Variants in MAGI3 observed in about 807,000 individuals in gnomAD.
The protein encoded by MAGI3 is membrane associated guanylate kinase, WW and PDZ domain containing 3, also known as membrane-associated guanylate kinase, WW and PDZ domain-containing protein 3.
Under a neutral mutation model 121.8 loss-of-function variants are expected in MAGI3, and 43 were observed. The ratio of observed to expected loss-of-function variants is 0.35; its 90% CI spans 0.28 to 0.46. The LOEUF is 0.46. Among genes scored for constraint, MAGI3 ranks in the 20% least tolerant of loss-of-function variants. The probability of loss-of-function intolerance (pLI) is 1.00; values close to 1 mark genes in which losing one functional copy is unlikely to be tolerated. For synonymous variants in MAGI3, 553 were observed against 639.3 expected (o/e 0.86, Z 2.04); for missense variants, 1,547 against 1,797.3 (o/e 0.86, Z 2.52).
intron 1 of MAGI3, among the ~76,000 whole-genome samples, chr1:113,416,429 T>C (rs1172546433): frequency 1.6e-5 from 2 of 128,362 alleles, no homozygotes; most frequent in Non-Finnish European, 3.2e-5. Flanking sequence ...ATTAATAATA[T>C]ATATTAATTA....
At chr1:113,395,575 C>G (rs553876445) in intron 1 of MAGI3, among the ~76,000 whole-genome samples, 1 of 151,776 alleles carries the variant, frequency 6.6e-6, no homozygotes, top group Non-Finnish European at 1.5e-5. Flanking sequence ...AATATTTTCT[C>G]TCCATCATTC....
intron 3 of MAGI3, among the ~76,000 whole-genome samples, chr1:113,584,518 T>G (rs1648238076): frequency 6.7e-6 from 1 of 150,068 alleles, no homozygotes; most frequent in African/African-American, 2.4e-5. Flanking sequence ...AATAGAATGC[T>G]CAGAAAAACT....
intron 1 of MAGI3, among the ~76,000 whole-genome samples, chr1:113,522,660 C>T (rs564975475): frequency 1.3e-5 from 2 of 152,270 alleles, no homozygotes; most frequent in South Asian, 4.1e-4. Flanking sequence ...ATGTTATCTT[C>T]CCCAACTTTT....
intron 1 of MAGI3, among the ~76,000 whole-genome samples, chr1:113,517,379 G>A (rs1657980108): frequency 6.6e-6 from 1 of 151,526 alleles, no homozygotes; most frequent in Non-Finnish European, 1.5e-5. Context: ...TCTCTAGGGA[G>A]CAAAATTTCA....
chr1:113,646,327 A>G (rs930625202), intron 11 of MAGI3, among the ~76,000 whole-genome samples, 159 bp from the exon 12 acceptor site: 4 of 152,212 alleles, frequency 2.6e-5, no homozygotes, highest in African/African-American at 9.6e-5. Context: ...ACACATTGCT[A>G]TGAAAATGAA....
chr1:113,469,469 G>A (rs1316720098), intron 1 of MAGI3, among the ~76,000 whole-genome samples: 1 of 151,798 alleles, frequency 6.6e-6, no homozygotes, highest in Non-Finnish European at 1.5e-5. Flanking sequence ...CTTACAATCT[G>A]CTTTTAATTG....
intron 1 of MAGI3, among the ~76,000 whole-genome samples, chr1:113,539,556 A>G (rs1659175305): frequency 6.6e-6 from 1 of 151,810 alleles, no homozygotes; most frequent in South Asian, 2.1e-4. Flanking sequence ...ATTTATTATT[A>G]TTATACTTTA....
chr1:113,434,428 C>A (rs12089256), intron 1 of MAGI3, among the ~76,000 whole-genome samples: 119,867 of 152,030 alleles, frequency 0.79, 47,728 homozygotes, highest in African/African-American at 0.91. Context: ...CACACACACA[C>A]AAAAAGCGTA....
chr1:113,479,492 G>GT (rs1240911097), intron 1 of MAGI3, among the ~76,000 whole-genome samples: 1 of 152,034 alleles, frequency 6.6e-6, no homozygotes. Context: ...TCGTTCCCTT[G>GT]TATGTGACTA....
chr1:113,420,776 G>A (rs1169107536), intron 1 of MAGI3, among the ~76,000 whole-genome samples: 2 of 152,182 alleles, frequency 1.3e-5, no homozygotes, highest in African/African-American at 2.4e-5. Flanking sequence ...AGTAGTTTTA[G>A]TTGAGAGATC....
intron 1 of MAGI3, among the ~76,000 whole-genome samples, chr1:113,478,047 G>A (rs1049679282): frequency 3.9e-5 from 6 of 152,114 alleles, no homozygotes; most frequent in East Asian, 1.9e-4. Context: ...CAGGCGTCAC[G>A]AAGTTCTCGT....
intron 10 of MAGI3, among the ~76,000 whole-genome samples, chr1:113,642,741 C>G (rs1047606915): frequency 6.6e-6 from 1 of 152,090 alleles, no homozygotes; most frequent in Non-Finnish European, 1.5e-5. Flanking sequence ...ATTTATTTCC[C>G]TCTGTATTCT....
chr1:113,560,371 A>G (rs972443459), intron 2 of MAGI3, among the ~76,000 whole-genome samples: 4 of 151,978 alleles, frequency 2.6e-5, no homozygotes, highest in Non-Finnish European at 4.4e-5. Context: ...GCGAGACTCC[A>G]TCTTAAAAAA....
Position 113,390,722 on chromosome 1 carries a change from G to C in MAGI3, c.-312G>C, listed in dbSNP as rs917129848. ...AGCCCAGGGACCAGCCGGCGGCAGT[G>C]ACCCCGCCCGAAGCCCCTTCTGGAA... On this transcript the variant is annotated 5_prime_UTR_variant, in exon 1 of 21. Transcript: ENST00000307546. The C allele has an allele frequency of 6.2e-6, 1 of 162,180 alleles. No homozygotes were observed. Among genetic ancestry groups the C allele is most frequent in the East Asian group, 1.6e-4 (1 of 6,110 alleles). The allele number at this position is 162,180 out of a possible 1,614,324, so 10.0% of individuals were successfully genotyped here. A position where few individuals can be genotyped will look rare whatever the true frequency, so the allele number is the denominator to read the frequency against.
chr1:113,683,260 A>C lies in MAGI3; in HGVS notation c.3692A>C (p.His1231Pro). The C allele has an allele frequency of 6.2e-7, 1 of 1,613,206 alleles. No homozygotes were observed. Among genetic ancestry groups the C allele is most frequent in the African/African-American group, 1.3e-5 (1 of 74,964 alleles). The change falls in exon 21 of 21, where the codon CAT (histidine) becomes CCT (proline). Residue 1231 changes from histidine to proline, a missense_variant. Coordinates refer to ENST00000307546, the MANE Select transcript of MAGI3 (RefSeq NM_001142782.2). ...SVSPKKPASQHSEEHLDKIPS... is the reference protein window; with the variant it reads ...SVSPKKPASQPSEEHLDKIPS... Reference sequence around the variant, plus strand: ...AGTCCCAAAAAGCCAGCCAGTCAACATTCAGAGGAACATTTGGATAAGATT... The same window carrying C: ...AGTCCCAAAAAGCCAGCCAGTCAACCTTCAGAGGAACATTTGGATAAGATT...
intron 13 of MAGI3, 74 bp from the exon 14 acceptor site, chr1:113,650,940 C>A: frequency 7.4e-7 from 1 of 1,348,204 alleles, no homozygotes; most frequent in Non-Finnish European, 1.0e-6. Context: ...TTGCACAATG[C>A]TAAGTTAGGA....
chr1:113,633,508 G>T (rs1440499203), intron 9 of MAGI3, among the ~76,000 whole-genome samples: 1 of 151,688 alleles, frequency 6.6e-6, no homozygotes, highest in Admixed American at 6.6e-5. Flanking sequence ...TGATCCGCCC[G>T]CCTCGGCCTC....
chr1:113,443,091 A>G (rs1271436362), intron 1 of MAGI3, among the ~76,000 whole-genome samples: 1 of 152,200 alleles, frequency 6.6e-6, no homozygotes, highest in Non-Finnish European at 1.5e-5. Context: ...TTGGCTTAGC[A>G]ATTCAGTATG....
chr1:113,463,674 C>T (rs1021200071), intron 1 of MAGI3, among the ~76,000 whole-genome samples: 35 of 151,770 alleles, frequency 2.3e-4, no homozygotes, highest in African/African-American at 7.3e-4. Context: ...GCTGTGAAGG[C>T]GGGGGAGAGA....
Sources: allele counts gnomAD v4.1 joint callset (sites outside exome capture counted in the v4.1 genomes callset), GRCh38; gene constraint gnomAD v4.1.1; transcripts MANE v1.5; gene names NCBI Gene and HGNC (gene_info 2026-07-23, HGNC 2026-07-21).